H2AZ2: variants seen among roughly 807,000 people sequenced by gnomAD.
H2AZ2 encodes histone H2A.V.
In H2AZ2, 5 loss-of-function variants were observed where a neutral mutation model predicts 15.5. The observed-to-expected ratio is 0.32, with a 90% CI of 0.17 to 0.68. The LOEUF (loss-of-function observed/expected upper bound fraction) is 0.68, where lower values mean the gene tolerates loss of function less well. H2AZ2 is among the 30% of genes least tolerant of loss of function. The pLI is 0.72. For missense variants in H2AZ2, 42 were observed against 162.5 expected (o/e 0.26, Z 4.03); for synonymous variants, 44 against 57.4 (o/e 0.77, Z 1.05).
At chr7:44,846,590 C>T (rs1793414243) in intron 1 of H2AZ2, among the ~76,000 whole-genome samples, 1 of 138,420 alleles carries the variant, frequency 7.2e-6, no homozygotes. Context: ...AGCCTGGCAA[C>T]AGAGTGAGAC....
intron 3 of H2AZ2, among the ~76,000 whole-genome samples, chr7:44,837,790 C>G (rs1214325000): frequency 7.4e-6 from 1 of 134,828 alleles, no homozygotes; most frequent in African/African-American, 2.8e-5. Context: ...ACTGTGTAAA[C>G]TTTAAAAATT....
At chr7:44,842,639 C>T (rs193159289) in intron 2 of H2AZ2, among the ~76,000 whole-genome samples, 62 of 152,270 alleles carry the variant, frequency 4.1e-4, no homozygotes, top group African/African-American at 1.4e-3. Flanking sequence ...CATTGGCCTT[C>T]CATTTTCTAC....
intron 2 of H2AZ2, among the ~76,000 whole-genome samples, chr7:44,841,800 C>T (rs1446614776): frequency 6.6e-6 from 1 of 152,186 alleles, no homozygotes; most frequent in Non-Finnish European, 1.5e-5. Flanking sequence ...CCTCCCTCAA[C>T]CCTTCACTGC....
chr7:44,836,078 A>G, intron 3 of H2AZ2, among the ~76,000 whole-genome samples: 1 of 147,916 alleles, frequency 6.8e-6, no homozygotes, highest in East Asian at 2.0e-4. Flanking sequence ...CTCCTGCCCT[A>G]GCGTCCTGAG....
intron 3 of H2AZ2, among the ~76,000 whole-genome samples, chr7:44,836,793 G>A (rs558045664): frequency 3.3e-5 from 5 of 151,882 alleles, no homozygotes; most frequent in African/African-American, 1.2e-4. Context: ...TCAGGAGATC[G>A]AGACCATCCT....
At chr7:44,831,970 A>T (rs1793006142), downstream of H2AZ2, among the ~76,000 whole-genome samples, 1 of 152,162 alleles carries the variant, frequency 6.6e-6, no homozygotes, top group South Asian at 2.1e-4. Flanking sequence ...AAAACAGAAC[A>T]ACAGAAGCCC....
intron 1 of H2AZ2, among the ~76,000 whole-genome samples, chr7:44,846,309 T>C (rs1291078720): frequency 6.6e-6 from 1 of 152,026 alleles, no homozygotes; most frequent in East Asian, 1.9e-4. Flanking sequence ...TCACTAGAGA[T>C]TGAAAAATAT....
At chr7:44,830,439 G>T (rs757207190), downstream of H2AZ2, among the ~76,000 whole-genome samples, 2 of 152,050 alleles carry the variant, frequency 1.3e-5, no homozygotes, top group Admixed American at 1.3e-4. Flanking sequence ...ATACTCTCCA[G>T]GCCATTTGTT....
downstream of H2AZ2, chr7:44,827,083 G>A (rs548036377): frequency 6.6e-6 from 1 of 152,242 alleles, no homozygotes; most frequent in Admixed American, 6.5e-5. Flanking sequence ...CACTCATCCA[G>A]ATAATGAAAC....
rs189670479 is a variant in H2AZ2 at position 44,839,729 on chromosome 7, G to A, written c.195+1170C>T. ...TAAAAATAAAAAATTAGCACCCAGC[G>A]CAGTGGCTCACACCTGTAGTCCCAG... is the stretch of plus-strand genomic sequence containing the variant. On this transcript the variant is annotated intron_variant, in intron 3 of 4. Coordinates refer to ENST00000308153, the MANE Select transcript of H2AZ2 (RefSeq NM_012412.5). Among the ~76,000 whole-genome samples the A allele has an allele frequency of 2.6e-4, 40 of 151,774 alleles. No homozygotes were observed. In the East Asian group the frequency reaches 4.6e-3, roughly 18 times the overall value.
chr7:44,834,467 G>C lies in H2AZ2; in HGVS notation c.*34C>G. 6.3e-7 allele frequency: 1 copy of C among 1,599,908 alleles called. No individual in the cohort carries two copies. The highest frequency in any genetic ancestry group is 8.5e-7 in the Non-Finnish European group (1 of 1,173,254). ...TCTTCTGTCCCAGTTACAGTACAAT[G>C]ACGGGGAGGAAGAGGGTTGGTTAAA... is the stretch of plus-strand genomic sequence containing the variant. On this transcript the variant is annotated 3_prime_UTR_variant, in exon 5 of 5. Transcript: ENST00000308153.
At chr7:44,834,589 A>G in intron 4 of H2AZ2, 27 bp from the exon 5 acceptor site, 1 of 1,566,904 alleles carries the variant, frequency 6.4e-7, no homozygotes, top group Non-Finnish European at 8.7e-7. Context: ...AAAAGTTATT[A>G]AAAACTTTTA....
In H2AZ2 at chr7:44,832,791, A is replaced by T. The variant is rs950007039; in HGVS notation, c.*1710T>A. On this transcript the variant is annotated 3_prime_UTR_variant, in exon 5 of 5. Transcript: ENST00000308153. ...AGGGAGACCTCTGTCTCTTACATAA[A>T]TAAAAAAAATTAGCCAGGTATGGTG... 3.3e-5 allele frequency among the ~76,000 whole-genome samples: 5 copies of T among 151,978 alleles called. No individual in the cohort carries two copies. Among genetic ancestry groups the T allele is most frequent in the African/African-American group, 1.2e-4 (5 of 41,374 alleles).
chr7:44,830,726 A>G (rs1408786312), downstream of H2AZ2, among the ~76,000 whole-genome samples: 2 of 152,224 alleles, frequency 1.3e-5, no homozygotes, highest in South Asian at 2.1e-4. Flanking sequence ...CGCCAGGCAC[A>G]GTGGCTCATG....
chr7:44,837,680 A>C (rs1793162987), intron 3 of H2AZ2, among the ~76,000 whole-genome samples: 1 of 151,772 alleles, frequency 6.6e-6, no homozygotes, highest in African/African-American at 2.4e-5. Context: ...TTTTGTAGAG[A>C]CAGGGTTTTG....
At chr7:44,847,417 G>GC (rs1011416640) in intron 1 of H2AZ2, among the ~76,000 whole-genome samples, 13 of 152,152 alleles carry the variant, frequency 8.5e-5, no homozygotes, top group African/African-American at 2.9e-4. Context: ...GATAACGGGC[G>GC]TTCATTTCTA....
Position 44,832,845 on chromosome 7 carries a change from A to G in H2AZ2, c.*1656T>C, listed in dbSNP as rs544907774. Among the ~76,000 whole-genome samples, 2 of 152,192 alleles carry G rather than the reference A, an allele frequency of 1.3e-5. No individual in the cohort carries two copies. Among genetic ancestry groups the G allele is most frequent in the East Asian group, 3.9e-4 (2 of 5,168 alleles). ...TGTGCCTGTGGTCCCAGCTATTTGC[A>G]GGGCTGAGGTAAGAGGATTGCTTGG... is the stretch of plus-strand genomic sequence containing the variant. On this transcript the variant is annotated 3_prime_UTR_variant, in exon 5 of 5. Transcript: ENST00000308153.
At chr7:44,839,137 T>G (rs1325109064) in intron 3 of H2AZ2, among the ~76,000 whole-genome samples, 2 of 152,246 alleles carry the variant, frequency 1.3e-5, no homozygotes, top group Non-Finnish European at 2.9e-5. Flanking sequence ...AGTCTTTTAC[T>G]TCTATTATCA....
downstream of H2AZ2, among the ~76,000 whole-genome samples, chr7:44,830,432 C>T (rs1402013059): frequency 1.3e-5 from 2 of 152,150 alleles, no homozygotes; most frequent in East Asian, 3.8e-4. Flanking sequence ...GAGTCAGATA[C>T]TCTCCAGGCC....
Sources: gnomAD v4.1 joint callset for allele counts (sites outside exome capture counted in the v4.1 genomes callset) on GRCh38, gnomAD v4.1.1 for gene constraint, MANE v1.5 for transcripts, NCBI Gene and HGNC (gene_info 2026-07-23, HGNC 2026-07-21) for gene names.